MAPK15: variants seen among roughly 807,000 people sequenced by gnomAD.
MAPK15 encodes ERK-7.
MAPK15 carries 61 observed loss-of-function variants against 60.8 expected under a neutral mutation model. The ratio of observed to expected loss-of-function variants is 1.00; its 90% CI spans 0.82 to 1.24. The LOEUF (loss-of-function observed/expected upper bound fraction) is 1.24, where lower values mean the gene tolerates loss of function less well. Ranked by LOEUF, MAPK15 falls within the 50% of genes most tolerant of loss-of-function variation. The probability of loss-of-function intolerance (pLI) is 0.00; values close to 1 mark genes in which losing one functional copy is unlikely to be tolerated. For synonymous variants in MAPK15, 356 were observed against 319.9 expected (o/e 1.11, Z -1.21); for missense variants, 808 against 741.1 (o/e 1.09, Z -1.05).
At position 143,718,727 on chromosome 8, in the gene MAPK15, G is replaced by GTCCCCCCCCCCC; in HGVS notation, c.287-48_287-47insTCCCCCCCCCCC. 6 of 514,522 alleles carry GTCCCCCCCCCCC rather than the reference G, an allele frequency of 1.2e-5. No individual in the cohort carries two copies. In the South Asian group the frequency reaches 1.6e-4, roughly 14 times the overall value. 31.9% of individuals were successfully genotyped at this position (514,522 alleles called of 1,614,324 possible). On this transcript the variant is annotated intron_variant, in intron 4 of 13. Transcript: ENST00000338033. The stretch of plus-strand genomic sequence containing the variant: ...GCCCCTCTCCCACTCCCCCCAGGTT[G>GTCCCCCCCCCCC]CCCCCCCAGCCCCCCACCCCCGACT...
chr8:143,721,454 G>C, intron 11 of MAPK15, 43 bp downstream of exon 11: 1 of 1,609,322 alleles, frequency 6.2e-7, no homozygotes, highest in Non-Finnish European at 8.5e-7. Flanking sequence ...CACGGCCCGG[G>C]CCCCTTCTGC....
rs1185840219 is a variant in MAPK15, at chr8:143,721,213, AC to A, written c.1024-15del. 1.9e-6 allele frequency: 3 copies of A among 1,600,786 alleles called. No individual in the cohort carries two copies. Among genetic ancestry groups the A allele is most frequent in the Non-Finnish European group, 2.6e-6 (3 of 1,173,202 alleles). ...CATGCCCAGGCTGTGACCTCTGAGCACCCTTCCCCTCCCGCAGATGATCCTG... is the reference window on the plus strand; with the variant it reads ...CATGCCCAGGCTGTGACCTCTGAGCACCTTCCCCTCCCGCAGATGATCCTG... On this transcript the variant is annotated splice_polypyrimidine_tract_variant and intron_variant, in intron 10 of 13. Coordinates refer to ENST00000338033, the MANE Select transcript of MAPK15 (RefSeq NM_139021.3).
In MAPK15 at chr8:143,718,035, C is replaced by G; in HGVS notation, c.166-12C>G. On this transcript the variant is annotated splice_polypyrimidine_tract_variant and intron_variant, in intron 2 of 13. Transcript: ENST00000338033. ...TCCACCCACCCACACACCTGTGTTT[C>G]TGTCTCTTCAGAGAACATTCCGGGA... 1 of 1,614,104 alleles carries G rather than the reference C, an allele frequency of 6.2e-7. No individual in the cohort carries two copies. The highest frequency in any genetic ancestry group is 8.5e-7 in the Non-Finnish European group (1 of 1,179,994).
intron 7 of MAPK15, among the ~76,000 whole-genome samples, chr8:143,719,835 A>G (rs1238362757): frequency 6.6e-6 from 1 of 152,002 alleles, no homozygotes; most frequent in African/African-American, 2.4e-5. Flanking sequence ...GGCAGGAGAG[A>G]TTCAGGTGCT....
At position 143,720,873 on chromosome 8, in the gene MAPK15, G is replaced by A. The variant is rs1818030078; in HGVS notation, c.917+33G>A. The A allele has an allele frequency of 1.2e-6, 2 of 1,604,404 alleles. No individual in the cohort carries two copies. Among genetic ancestry groups the A allele is most frequent in the East Asian group, 2.2e-5 (1 of 44,740 alleles). On this transcript the variant is annotated intron_variant, in intron 9 of 13. Transcript: ENST00000338033. This position sits in a 1 kb window ranked among gnomAD's most constrained non-coding sequence, Gnocchi z 4.6. The stretch of plus-strand genomic sequence containing the variant: ...TGGGAGAGAGTCCCCCAAGTGCGGG[G>A]GGACAGAGGTGGGGGCAGGAGAGAG...
rs782580278 is a variant in MAPK15, at chr8:143,721,575, C to T, written c.1231C>T (p.Pro411Ser). Residue 411 changes from proline (P) to serine (S), a missense_variant, in exon 12 of 14, where the codon CCC becomes TCC. Coordinates refer to ENST00000338033, the MANE Select transcript of MAPK15 (RefSeq NM_139021.3). ...HESPRAAKNV[P>S]RQNSAPLLQT... ...GTCCCCCCGTGCAGCCAAGAACGTT[C>T]CCAGGCAGAACTCCGCTCCCCTGCT... 9 of 1,613,638 alleles carry T rather than the reference C, an allele frequency of 5.6e-6. No homozygotes were observed. In the African/African-American group the frequency reaches 1.1e-4, roughly 19 times the overall value.
intron 11 of MAPK15, 36 bp from the exon 12 acceptor site, chr8:143,721,513 C>T: frequency 6.2e-7 from 1 of 1,612,626 alleles, no homozygotes; most frequent in Non-Finnish European, 8.5e-7. Context: ...CTGGGGTTGA[C>T]CCACTGACCC....
chr8:143,716,592 C>T lies in MAPK15; in HGVS notation c.66+149C>T, dbSNP rs1272726825. On this transcript the variant is annotated intron_variant, in intron 1 of 13. Transcript: ENST00000338033. ...CGTAGGCGGGAGAGGTGGTCTGGAG[C>T]CCCTTCGTGCCTCAGTTTCCTCATG... 4 of 639,496 alleles carry T rather than the reference C, an allele frequency of 6.3e-6. No individual in the cohort carries two copies. The East Asian group carries it at 1.0e-4, about 16-fold the overall frequency. 39.6% of individuals were successfully genotyped at this position (639,496 alleles called of 1,614,324 possible). A position where few individuals can be genotyped will look rare whatever the true frequency, so the allele number is the denominator to read the frequency against.
chr8:143,716,402 A>C lies in MAPK15; in HGVS notation c.25A>C (p.Ile9Leu). MCTVVDPR[I>L]VRRYLLRRQL... is the part of the protein sequence containing the mutation. ...CATGTGCACCGTAGTGGACCCTCGC[A>C]TTGTCCGGAGATACCTACTCAGGCG... The change falls in exon 1 of 14, where the codon ATT becomes CTT. Residue 9 changes from isoleucine (I) to leucine (L), a missense_variant. Ile to Leu is a conservative substitution (Grantham distance 5, BLOSUM62 2). Transcript: ENST00000338033. 6.2e-7 allele frequency: 1 copy of C among 1,605,320 alleles called. No individual in the cohort carries two copies. Among genetic ancestry groups the C allele is most frequent in the South Asian group, 1.1e-5 (1 of 89,736 alleles).
Position 143,719,116 on chromosome 8 carries a change from C to A in MAPK15, c.541C>A (p.Arg181Ser). ...GGCCGTGACAGAGTACGTGGCCACA[C>A]GCTGGTACCGAGCACCGGAGGTGCT... is the stretch of plus-strand genomic sequence containing the variant. Reference protein sequence around the residue: ...DQAVTEYVATRWYRAPEVLLS... With the variant: ...DQAVTEYVATSWYRAPEVLLS... Residue 181 changes from arginine to serine, a missense_variant, in exon 6 of 14, where the codon CGC (arginine) becomes AGC (serine). By Grantham distance (110) the Arg-to-Ser change is moderately radical (BLOSUM62 -1). Coordinates refer to ENST00000338033, the MANE Select transcript of MAPK15 (RefSeq NM_139021.3). 1 of 1,559,260 alleles carries A rather than the reference C, an allele frequency of 6.4e-7. No individual in the cohort carries two copies. Among genetic ancestry groups the A allele is most frequent in the Non-Finnish European group, 8.7e-7 (1 of 1,152,236 alleles).
intron 11 of MAPK15, 22 bp downstream of exon 11, chr8:143,721,433 C>T: frequency 6.2e-7 from 1 of 1,608,632 alleles, no homozygotes; most frequent in East Asian, 2.2e-5. Flanking sequence ...TTGCTGGCCG[C>T]CCACGCGGAG....
At position 143,722,271 on chromosome 8, in the gene MAPK15, C is replaced by G. The variant is rs782188245; in HGVS notation, c.*20C>G. 2.0e-6 allele frequency: 3 copies of G among 1,536,526 alleles called. No individual in the cohort carries two copies. Among genetic ancestry groups the G allele is most frequent in the Admixed American group, 3.8e-5 (2 of 51,958 alleles). Reference sequence around the variant, plus strand: ...GTGTGAGCCGCCCTACTCCCTTCACCTGGCCCTCTGTTCCTGCCCCAGCCC... The same window carrying G: ...GTGTGAGCCGCCCTACTCCCTTCACGTGGCCCTCTGTTCCTGCCCCAGCCC... On this transcript the variant is annotated 3_prime_UTR_variant, in exon 14 of 14. Transcript: ENST00000338033.
At chr8:143,716,917 T>G (rs927176698) in intron 1 of MAPK15, among the ~76,000 whole-genome samples, 1 of 151,840 alleles carries the variant, frequency 6.6e-6, no homozygotes, top group Non-Finnish European at 1.5e-5. Flanking sequence ...TGTGAGCATG[T>G]AAGCCTGTGT....
intron 1 of MAPK15, 60 bp downstream of exon 1, chr8:143,716,503 C>T: frequency 6.7e-7 from 1 of 1,503,354 alleles, no homozygotes; most frequent in Non-Finnish European, 9.0e-7. Flanking sequence ...GGAGAGAGGA[C>T]CTGCGGGGCG....
Position 143,720,105 on chromosome 8 carries a change from A to T in MAPK15, c.722-125A>T. On this transcript the variant is annotated intron_variant, in intron 7 of 13. Coordinates refer to ENST00000338033, the MANE Select transcript of MAPK15 (RefSeq NM_139021.3). The surrounding 1 kb of genome is among the most constrained non-coding windows in gnomAD (Gnocchi z 4.6). ...GGTGATGGGGTGTTTGAGCCCCGCC[A>T]GACAGCAGAAACCCTGTAGAGAGGC... The T allele has an allele frequency of 7.1e-7, 1 of 1,410,536 alleles. No homozygotes were observed. Among genetic ancestry groups the T allele is most frequent in the Non-Finnish European group, 9.6e-7 (1 of 1,043,678 alleles). 87.4% of individuals were successfully genotyped at this position (1,410,536 alleles called of 1,614,324 possible).
Position 143,721,395 on chromosome 8 carries a change from T to G in MAPK15, c.1188T>G (p.His396Gln), listed in dbSNP as rs542636144. ...CCAGGCCCCAGAGCAGCCCAGGCCATGACCCTGCCGAGCACGGTGTGTGAT... is the reference window on the plus strand; with the variant it reads ...CCAGGCCCCAGAGCAGCCCAGGCCAGGACCCTGCCGAGCACGGTGTGTGAT... ...PRPRPQSSPG[H>Q]DPAEHESPRA... is the part of the protein sequence containing the mutation. Residue 396 changes from histidine to glutamine, a missense_variant, in exon 11 of 14, where the codon CAT becomes CAG. By Grantham distance (24) the His-to-Gln change is conservative. Transcript: ENST00000338033. 1,233 of 1,611,886 alleles carry G rather than the reference T, an allele frequency of 7.6e-4. 18 individuals carry two copies. In the South Asian group the frequency reaches 0.013, roughly 17 times the overall value.
In MAPK15 at chr8:143,721,778, G is replaced by A. The variant is rs781807233; in HGVS notation, c.1356G>A (p.Ala452=). Residue 452 remains alanine, a synonymous_variant, in exon 13 of 14, where the codon GCG becomes GCA. Transcript: ENST00000338033. Reference sequence around the variant, plus strand: ...TGAAGCCAAGCGGGAGGGGAGCTGCGCCCTCCCTGACCTCCCAGGCTGCGG... The same window carrying A: ...TGAAGCCAAGCGGGAGGGGAGCTGCACCCTCCCTGACCTCCCAGGCTGCGG... ...SLVKPSGRGA[A]PSLTSQAAAQ... 19 of 1,613,316 alleles carry A rather than the reference G, an allele frequency of 1.2e-5. No homozygotes were observed. The highest frequency in any genetic ancestry group is 6.7e-5 in the East Asian group (3 of 44,872).
At chr8:143,721,710 C>T (rs1818079044) in intron 12 of MAPK15, 37 bp downstream of exon 12, 1 of 1,613,002 alleles carries the variant, frequency 6.2e-7, no homozygotes, top group East Asian at 2.2e-5. Flanking sequence ...AGGGACCCCT[C>T]CTCTGCACCT....
rs1554619264 is a variant in MAPK15, at chr8:143,719,400, G to A, written c.639G>A (p.Arg213=). 6.2e-7 allele frequency: 1 copy of A among 1,611,662 alleles called. No homozygotes were observed. The highest frequency in any genetic ancestry group is 8.5e-7 in the Non-Finnish European group (1 of 1,179,052). ...SLGCILGEML[R]GRPLFPGTST... ...GCTGTATCCTGGGGGAGATGCTGCGGGGGAGACCCCTGTTCCCCGGCACGT... is the reference window on the plus strand; with the variant it reads ...GCTGTATCCTGGGGGAGATGCTGCGAGGGAGACCCCTGTTCCCCGGCACGT... Residue 213 remains arginine, a synonymous_variant, in exon 7 of 14, where the codon CGG becomes CGA. Transcript: ENST00000338033.
Sources: allele counts gnomAD v4.1 joint callset (sites outside exome capture counted in the v4.1 genomes callset), GRCh38; gene constraint gnomAD v4.1.1; non-coding constraint Gnocchi (gnomAD v3.1); transcripts MANE v1.5; gene names NCBI Gene and HGNC (gene_info 2026-07-23, HGNC 2026-07-21).